The following PLCL2 variants were observed in gnomAD, a reference collection of about 807,000 sequenced individuals.
PLCL2 encodes the protein inactive phospholipase C-like protein 2.
PLCL2 carries 4 observed loss-of-function variants against 79.6 expected under a neutral mutation model. That is an observed-to-expected ratio of 0.05 (90% CI 0.02 to 0.11). PLCL2 has a LOEUF of 0.11. Among genes scored for constraint, PLCL2 ranks in the 10% least tolerant of loss-of-function variants. The probability of loss-of-function intolerance (pLI) is 1.00; values close to 1 mark genes in which losing one functional copy is unlikely to be tolerated. For missense variants in PLCL2, 895 were observed against 1,291.0 expected (o/e 0.69, Z 4.70); for synonymous variants, 484 against 457.7 (o/e 1.06, Z -0.73).
intron 1 of PLCL2, among the ~76,000 whole-genome samples, chr3:16,907,750 T>A (rs1696783486): frequency 6.7e-6 from 1 of 149,964 alleles, no homozygotes; most frequent in Admixed American, 6.6e-5. Flanking sequence ...TTATTAGCAA[T>A]TTTTTTTTTG....
intron 3 of PLCL2, among the ~76,000 whole-genome samples, chr3:17,016,977 G>T (rs750615683): frequency 6.6e-5 from 10 of 152,126 alleles, no homozygotes; most frequent in Non-Finnish European, 1.3e-4. Flanking sequence ...AGCATAACAG[G>T]GCAGGCCAAG....
chr3:17,089,669 T>C, intron 5 of PLCL2, 64 bp from the exon 6 acceptor site: 1 of 917,978 alleles, frequency 1.1e-6, no homozygotes, highest in South Asian at 1.7e-5. Flanking sequence ...AAGATAGATA[T>C]TGTTGAAGTA....
chr3:16,953,740 G>A (rs530654246), intron 1 of PLCL2, among the ~76,000 whole-genome samples: 1 of 152,054 alleles, frequency 6.6e-6, no homozygotes, highest in East Asian at 1.9e-4. Context: ...AGTACCATTA[G>A]TCCAGACTTT....
intron 3 of PLCL2, among the ~76,000 whole-genome samples, chr3:17,023,437 A>G (rs2064478184): frequency 6.6e-6 from 1 of 152,160 alleles, no homozygotes; most frequent in Non-Finnish European, 1.5e-5. Flanking sequence ...AGGTAGTTGA[A>G]TCATGGGGGC....
At chr3:16,986,859 T>A (rs577029710) in intron 1 of PLCL2, among the ~76,000 whole-genome samples, 1 of 152,244 alleles carries the variant, frequency 6.6e-6, no homozygotes, top group African/African-American at 2.4e-5. Flanking sequence ...CCGTCAAGTG[T>A]ACCAGGAGTC....
intron 1 of PLCL2, among the ~76,000 whole-genome samples, chr3:16,981,654 C>T (rs968794778): frequency 1.3e-5 from 2 of 152,238 alleles, no homozygotes; most frequent in Non-Finnish European, 2.9e-5. Flanking sequence ...CTAACTTTCA[C>T]ATCTTAGGGT....
intron 1 of PLCL2, among the ~76,000 whole-genome samples, chr3:16,931,549 T>C (rs913594569): frequency 6.6e-6 from 1 of 152,186 alleles, no homozygotes; most frequent in Admixed American, 6.5e-5. Flanking sequence ...AAATGAAGTT[T>C]AACTAACAAC....
chr3:17,026,350 C>A (rs1418049054), intron 3 of PLCL2, among the ~76,000 whole-genome samples: 2 of 152,114 alleles, frequency 1.3e-5, no homozygotes, highest in Non-Finnish European at 2.9e-5. Flanking sequence ...ACATTTGTTT[C>A]CCTACCACAT....
intron 1 of PLCL2, among the ~76,000 whole-genome samples, chr3:16,984,926 C>T (rs1031085279): frequency 2.7e-5 from 4 of 145,944 alleles, no homozygotes; most frequent in Middle Eastern, 3.6e-3. Flanking sequence ...AGCGAGACTA[C>T]GTCTTAAAAA....
chr3:16,895,075 TA>T, intron 1 of PLCL2, among the ~76,000 whole-genome samples: 1 of 142,980 alleles, frequency 7.0e-6, no homozygotes, highest in South Asian at 2.3e-4. Flanking sequence ...TCTATATAGA[TA>T]TAGATATATG....
chr3:17,043,769 G>A (rs1273645956), intron 4 of PLCL2, among the ~76,000 whole-genome samples: 1 of 151,902 alleles, frequency 6.6e-6, no homozygotes, highest in Non-Finnish European at 1.5e-5. Flanking sequence ...ATAAGGATAT[G>A]TGTGACATTT....
chr3:16,961,248 T>TA (rs1220559733), intron 1 of PLCL2, among the ~76,000 whole-genome samples: 35 of 152,214 alleles, frequency 2.3e-4, no homozygotes, highest in African/African-American at 8.4e-4. Context: ...AGTTCTTATA[T>TA]CAAATCCAAA....
At chr3:16,968,491 T>C (rs898537020) in intron 1 of PLCL2, among the ~76,000 whole-genome samples, 1 of 152,118 alleles carries the variant, frequency 6.6e-6, no homozygotes, top group Non-Finnish European at 1.5e-5. Context: ...TTCACCTCCC[T>C]GGTTAGCTGT....
chr3:17,020,258 C>T (rs185348756), intron 3 of PLCL2, among the ~76,000 whole-genome samples: 14 of 152,156 alleles, frequency 9.2e-5, no homozygotes, highest in Non-Finnish European at 1.3e-4. Flanking sequence ...TATTTTGTGA[C>T]GTATTACATA....
At chr3:16,955,963 G>A (rs1470770123) in intron 1 of PLCL2, among the ~76,000 whole-genome samples, 1 of 152,208 alleles carries the variant, frequency 6.6e-6, no homozygotes, top group Non-Finnish European at 1.5e-5. Flanking sequence ...ATACAATCAT[G>A]TCATCTGCAA....
chr3:16,888,239 A>C (rs1396327880), intron 1 of PLCL2, among the ~76,000 whole-genome samples: 1 of 152,250 alleles, frequency 6.6e-6, no homozygotes, highest in African/African-American at 2.4e-5. Context: ...TTCCTCATTT[A>C]AAATAATTTA....
chr3:17,000,847 A>G (rs979614654), intron 1 of PLCL2, among the ~76,000 whole-genome samples: 5 of 152,156 alleles, frequency 3.3e-5, no homozygotes, highest in Admixed American at 6.5e-5. Flanking sequence ...GATTGAGTCC[A>G]TATTTTGGCT....
intron 1 of PLCL2, among the ~76,000 whole-genome samples, chr3:16,958,283 C>T (rs983267840): frequency 6.6e-5 from 10 of 152,074 alleles, no homozygotes; most frequent in Non-Finnish European, 1.3e-4. Context: ...AACAATGAAC[C>T]ATTAATTGTA....
At chr3:16,930,585 A>C (rs903521224) in intron 1 of PLCL2, among the ~76,000 whole-genome samples, 1 of 152,166 alleles carries the variant, frequency 6.6e-6, no homozygotes, top group African/African-American at 2.4e-5. Flanking sequence ...GTTTCTTGTG[A>C]TACAGCCTTC....
Sources: gnomAD v4.1 joint callset for allele counts (sites outside exome capture counted in the v4.1 genomes callset) on GRCh38, gnomAD v4.1.1 for gene constraint, MANE v1.5 for transcripts, NCBI Gene and HGNC (gene_info 2026-07-23, HGNC 2026-07-21) for gene names.